GALNT12: variants seen among roughly 807,000 people sequenced by gnomAD.
GALNT12 encodes the protein UDP-GalNAc:polypeptide N-acetylgalactosaminyltransferase 12.
GALNT12 carries 45 observed loss-of-function variants against 55.5 expected under a neutral mutation model. The observed-to-expected ratio is 0.81, with a 90% confidence interval of 0.64 to 1.04. The LOEUF (loss-of-function observed/expected upper bound fraction) is 1.04. GALNT12 is among the 50% of genes least tolerant of loss of function. GALNT12 has a pLI of 0.00. For synonymous variants in GALNT12, 304 were observed against 312.2 expected, an observed-to-expected ratio of 0.97 and a Z score of 0.28; for missense variants, 709 against 754.8, an observed-to-expected ratio of 0.94 and a Z score of 0.71.
At position 98,827,165 on chromosome 9, in the gene GALNT12, C is replaced by T. The variant is rs527665923; in HGVS notation, c.731+224C>T. ...GTGCCAGCTGGAGAAGGCCCTGTGT[C>T]ACTGTTTGCTTTTATTATTCCTTCT... On this transcript the variant is annotated intron_variant, in intron 3 of 9. Coordinates refer to ENST00000375011, the MANE Select transcript of GALNT12 (RefSeq NM_024642.5). 2.6e-5 allele frequency among the ~76,000 whole-genome samples: 4 copies of T among 152,284 alleles called. 1 individual carries two copies. In the South Asian group the frequency reaches 8.3e-4, roughly 32 times the overall value.
Position 98,849,154 on chromosome 9 carries a change from G to A in GALNT12, c.*62G>A. The A allele has an allele frequency of 6.3e-7, 1 of 1,582,974 alleles. No individual in the cohort carries two copies. The highest frequency in any genetic ancestry group is 1.1e-5 in the South Asian group (1 of 90,142). Reference sequence around the variant, plus strand: ...TGGAGCCAGGACTCTGCCCAACAAAGACTTAGCTAAGCAGTGACCAGAACC... The same window carrying A: ...TGGAGCCAGGACTCTGCCCAACAAAAACTTAGCTAAGCAGTGACCAGAACC... On this transcript the variant is annotated 3_prime_UTR_variant, in exon 10 of 10. Transcript: ENST00000375011.
intron 1 of GALNT12, among the ~76,000 whole-genome samples, chr9:98,814,515 C>T (rs953524907): frequency 6.6e-6 from 1 of 151,908 alleles, no homozygotes. Context: ...TCGAGACCAG[C>T]CCTGTCCAAA....
chr9:98,848,695 T>G, intron 9 of GALNT12: 1 of 527,388 alleles, frequency 1.9e-6, no homozygotes. Context: ...AATAGGGAGA[T>G]GTAGGGTATG....
chr9:98,835,175 G>T (rs1014305748), intron 4 of GALNT12, 74 bp from the exon 5 acceptor site: 12 of 988,696 alleles, frequency 1.2e-5, no homozygotes, highest in South Asian at 3.8e-5. Flanking sequence ...AAGGGCTCGT[G>T]GTGGGAAGGT....
rs1588453974 is a variant in GALNT12 at position 98,837,121 on chromosome 9, C to G, written c.1185C>G (p.Tyr395Ter). ...GGATGGATGAATTTAAAGAGCTCTACTACCATCGCAACCCCCGTGCCCGCT... is the reference window on the plus strand; with the variant it reads ...GGATGGATGAATTTAAAGAGCTCTAGTACCATCGCAACCCCCGTGCCCGCT... ...EVWMDEFKEL[Y>*]YHRNPRARLE... The change falls in exon 6 of 10, where the codon TAC becomes TAG. Residue 395 changes from tyrosine to a stop codon, truncating the protein, a stop_gained. Transcript: ENST00000375011. LOFTEE classifies it high-confidence loss of function. The G allele has an allele frequency of 2.5e-6, 4 of 1,614,066 alleles. No individual in the cohort carries two copies. Among genetic ancestry groups the G allele is most frequent in the Non-Finnish European group, 3.4e-6 (4 of 1,180,042 alleles).
At chr9:98,846,274 C>T (rs1198619621) in intron 9 of GALNT12, 151 bp downstream of exon 9, 2 of 1,012,320 alleles carry the variant, frequency 2.0e-6, no homozygotes, top group South Asian at 1.3e-5. Context: ...GAACCTCAGT[C>T]CCAGTGAGCC....
At chr9:98,822,283 C>T (rs1835760761) in intron 1 of GALNT12, among the ~76,000 whole-genome samples, 1 of 152,236 alleles carries the variant, frequency 6.6e-6, no homozygotes, top group East Asian at 1.9e-4. Flanking sequence ...TGTGGTTTCA[C>T]TCTCCCACCT....
chr9:98,837,202 C>G (rs1836176774), intron 6 of GALNT12, 54 bp downstream of exon 6: 1 of 1,552,554 alleles, frequency 6.4e-7, no homozygotes, highest in African/African-American at 1.4e-5. Context: ...ACAACAGCAG[C>G]TAATCGTGGC....
intron 5 of GALNT12, 100 bp downstream of exon 5, chr9:98,835,466 T>A: frequency 3.7e-6 from 3 of 807,916 alleles, no homozygotes; most frequent in Non-Finnish European, 6.7e-6. Flanking sequence ...TGAAAGATGA[T>A]GACACGCATA....
rs1212232987 is a variant in GALNT12, at chr9:98,823,373, C to T, written c.489C>T (p.Ser163=). ...LRTVYSVLET[S]PDILLEEVIL... ...CAGTTTACAGTGTCCTTGAGACATC[C>T]CCGGATATCCTGCTAGAAGAAGTGA... Residue 163 remains serine (S), a synonymous_variant, in exon 2 of 10, where the codon TCC becomes TCT. Transcript: ENST00000375011. 6.2e-7 allele frequency: 1 copy of T among 1,614,128 alleles called. No individual in the cohort carries two copies. Among genetic ancestry groups the T allele is most frequent in the African/African-American group, 1.3e-5 (1 of 75,044 alleles).
chr9:98,816,651 CTTTTT>C (rs374259532), intron 1 of GALNT12, among the ~76,000 whole-genome samples: 1 of 138,630 alleles, frequency 7.2e-6, no homozygotes, highest in Non-Finnish European at 1.6e-5. Context: ...AAGCAATTAA[CTTTTT>C]TTTTTTTTTT....
At chr9:98,821,959 AG>A (rs1354463473) in intron 1 of GALNT12, among the ~76,000 whole-genome samples, 1 of 152,194 alleles carries the variant, frequency 6.6e-6, no homozygotes, top group Non-Finnish European at 1.5e-5. Context: ...GCATGGGAGC[AG>A]GGGCCTGGCC....
intron 7 of GALNT12, among the ~76,000 whole-genome samples, chr9:98,843,457 A>G (rs1588457716): frequency 6.6e-6 from 1 of 150,632 alleles, no homozygotes; most frequent in African/African-American, 2.5e-5. Flanking sequence ...CCCAGGCTGG[A>G]GTGCAGTGGC....
At chr9:98,828,236 C>T (rs994168585) in intron 3 of GALNT12, among the ~76,000 whole-genome samples, 1 of 152,200 alleles carries the variant, frequency 6.6e-6, no homozygotes, top group African/African-American at 2.4e-5. Context: ...GGGTGTGACC[C>T]AGCTGCCCCC....
rs1370656109 is a variant in GALNT12, at chr9:98,807,973, G to A, written c.275G>A (p.Arg92Gln). The change falls in exon 1 of 10, where the codon CGG becomes CAG. Residue 92 changes from arginine (R) to glutamine (Q), a missense_variant. Arg to Gln is a conservative substitution (Grantham distance 43). This residue lies in a region of GALNT12 where 315 missense variants were observed against 288.6 expected (regional missense o/e 1.09). Transcript: ENST00000375011. ...CTGCAGCTGCAGGGCGAGGAGCTGC[G>A]GCTGCAGGAGGAGAGCGTGCGGCTG... is the stretch of plus-strand genomic sequence containing the variant. ...VRLQLQGEEL[R>Q]LQEESVRLHQ... 2.0e-6 allele frequency: 3 copies of A among 1,477,724 alleles called. No homozygotes were observed. The South Asian group carries it at 3.9e-5, about 19-fold the overall frequency. The allele number at this position is 1,477,724 out of a possible 1,614,324, so 91.5% of individuals were successfully genotyped here.
chr9:98,808,029 A>T lies in GALNT12; in HGVS notation c.331A>T (p.Ile111Phe). 1 of 1,576,714 alleles carries T rather than the reference A, an allele frequency of 6.3e-7. No individual in the cohort carries two copies. The change falls in exon 1 of 10, where the codon ATC becomes TTC. Residue 111 changes from isoleucine (I) to phenylalanine (F), a missense_variant. Physicochemically the swap from Ile to Phe is conservative, Grantham distance 21. This residue lies in a region of GALNT12 where 315 missense variants were observed against 288.6 expected (regional missense o/e 1.09). Transcript: ENST00000375011. ...GATTAACATCTACCTCAGCGACCGC[A>T]TCTCACTGCACCGCCGCCTGCCCGA... Reference protein sequence around the residue: ...HQINIYLSDRISLHRRLPERW... With the variant: ...HQINIYLSDRFSLHRRLPERW...
chr9:98,829,192 T>TCTAA (rs1348109165), intron 3 of GALNT12, among the ~76,000 whole-genome samples: 1 of 150,064 alleles, frequency 6.7e-6, no homozygotes, highest in African/African-American at 2.4e-5. Context: ...TATCTATCTA[T>TCTAA]CTATCTATCT....
chr9:98,821,549 C>T (rs1348897998), intron 1 of GALNT12, among the ~76,000 whole-genome samples: 7 of 142,168 alleles, frequency 4.9e-5, no homozygotes, highest in South Asian at 2.3e-4. Flanking sequence ...GGCATGAACC[C>T]GGGAGGCAGA....
intron 9 of GALNT12, chr9:98,847,116 A>G (rs886533758): frequency 1.3e-5 from 2 of 152,204 alleles, no homozygotes; most frequent in African/African-American, 4.8e-5. Flanking sequence ...TTGTAAATCG[A>G]TCATATCCTT....
Sources: allele counts gnomAD v4.1 joint callset (sites outside exome capture counted in the v4.1 genomes callset), GRCh38; gene constraint gnomAD v4.1.1; regional missense constraint gnomAD v4.1.1; transcripts MANE v1.5; gene names NCBI Gene and HGNC (gene_info 2026-07-23, HGNC 2026-07-21).